ECE2: variants seen among roughly 807,000 people sequenced by gnomAD.
ECE2 encodes the protein endothelin-converting enzyme 2.
ECE2 carries 81 observed loss-of-function variants against 100.6 expected under a neutral mutation model. The ratio of observed to expected loss-of-function variants is 0.81; its 90% CI spans 0.67 to 0.97. The LOEUF is 0.97. ECE2 is among the 50% of genes least tolerant of loss of function. ECE2 has a pLI of 0.00. For missense variants in ECE2, 911 were observed against 988.1 expected (o/e 0.92, Z 1.05); for synonymous variants, 391 against 391.5 (o/e 1.00, Z 0.02).
rs542328039 is a variant in ECE2 at position 184,290,426 on chromosome 3, G to A, written c.1655+68G>A. ...GAGGTGGGGGAAGGTTCCTGGGATG[G>A]GGGAAAAGGGTGGCAAGACTGGTCC... On this transcript the variant is annotated intron_variant, in intron 14 of 18. Transcript: ENST00000404464. 51 of 1,574,874 alleles carry A rather than the reference G, an allele frequency of 3.2e-5. 2 individuals are homozygous for A. The South Asian group carries it at 5.5e-4, about 17-fold the overall frequency.
At position 184,283,893 on chromosome 3, in the gene ECE2, C is replaced by T. The variant is rs780820352; in HGVS notation, c.925C>T (p.Leu309=). Residue 309 remains leucine (L), a synonymous_variant, in exon 8 of 19, where the codon CTG becomes TTG. Transcript: ENST00000404464. The part of the protein sequence containing the change: ...MQQVLELEIQ[L]ANITVPQDQR... ...GCAGGTGCTGGAGTTGGAGATACAG[C>T]TGGCCAACATCACAGTGCCCCAGGA... The T allele has an allele frequency of 3.7e-6, 6 of 1,613,832 alleles. No homozygotes were observed. The African/African-American group carries it at 4.0e-5, about 11-fold the overall frequency.
At position 184,289,607 on chromosome 3, in the gene ECE2, G is replaced by A. The variant is rs1577146447; in HGVS notation, c.1474-34G>A. On this transcript the variant is annotated intron_variant, in intron 12 of 18. Coordinates refer to ENST00000404464, the MANE Select transcript of ECE2 (RefSeq NM_001100121.2). This position sits in a 1 kb window ranked among gnomAD's most constrained non-coding sequence, Gnocchi z 4.1. ...GGATACAGTTTTGCTAGGAACCTGG[G>A]GAAGGAAACAAACCCTTAACCTGGT... 2 of 1,613,370 alleles carry A rather than the reference G, an allele frequency of 1.2e-6. No individual in the cohort carries two copies. Among genetic ancestry groups the A allele is most frequent in the East Asian group, 4.5e-5 (2 of 44,882 alleles).
Position 184,289,395 on chromosome 3 carries a change from A to AT in ECE2, c.1375-40dup, listed in dbSNP as rs1560187559. ...GGGTGGATGGGTGGGGCAGGGATGC[A>AT]TTCAGTGCAGGGGAAGGCTGACTTT... is the stretch of plus-strand genomic sequence containing the variant. On this transcript the variant is annotated intron_variant, in intron 11 of 18. Transcript: ENST00000404464. The surrounding 1 kb of genome is among the most constrained non-coding windows in gnomAD (Gnocchi z 4.1). 6.5e-7 allele frequency: 1 copy of AT among 1,550,368 alleles called. No individual in the cohort carries two copies. Among genetic ancestry groups the AT allele is most frequent in the Admixed American group, 1.9e-5 (1 of 52,430 alleles).
chr3:184,277,900 C>T, intron 4 of ECE2, 25 bp from the exon 5 acceptor site: 1 of 1,608,954 alleles, frequency 6.2e-7, no homozygotes, highest in Non-Finnish European at 8.5e-7. Context: ...TAATTGCCAC[C>T]TGGATCCTGT....
intron 7 of ECE2, among the ~76,000 whole-genome samples, chr3:184,283,518 C>T (rs868254688): frequency 3.1e-5 from 4 of 128,950 alleles, no homozygotes; most frequent in Middle Eastern, 4.7e-3. Context: ...GCCAAGATCG[C>T]GCCACTGCAC....
chr3:184,276,447 C>A, intron 1 of ECE2, 34 bp from the exon 2 acceptor site: 1 of 1,587,346 alleles, frequency 6.3e-7, no homozygotes, highest in Non-Finnish European at 8.6e-7. Flanking sequence ...CCCTCTCTGC[C>A]TGACCTCGGT....
At position 184,277,011 on chromosome 3, in the gene ECE2, G is replaced by C. The variant is rs760136204; in HGVS notation, c.246G>C (p.Gly82=). Residue 82 remains glycine, a synonymous_variant, in exon 3 of 19, where the codon GGG becomes GGC. Coordinates refer to ENST00000404464, the MANE Select transcript of ECE2 (RefSeq NM_001100121.2). ...ALLLGCLVAL[G]VQYHRDPSHS... ...TTCTGGGCTGCCTTGTGGCCCTAGG[G>C]GTCCAGTACCACAGAGGTAGGTGGG... 6.2e-7 allele frequency: 1 copy of C among 1,613,972 alleles called. No individual in the cohort carries two copies. Among genetic ancestry groups the C allele is most frequent in the South Asian group, 1.1e-5 (1 of 91,090 alleles).
In ECE2 at chr3:184,277,360, C is replaced by A; in HGVS notation, c.372C>A (p.Ser124=). 6.2e-7 allele frequency: 1 copy of A among 1,614,220 alleles called. No individual in the cohort carries two copies. The highest frequency in any genetic ancestry group is 8.5e-7 in the Non-Finnish European group (1 of 1,180,032). ...CCTGTGAGGACTTTTACCAGTTCTC[C>A]TGTGGGGGCTGGATTCGGAGGAACC... ...VSPCEDFYQF[S]CGGWIRRNPL... is the part of the protein sequence containing the mutation. The change falls in exon 4 of 19, where the codon TCC becomes TCA. Residue 124 remains serine (S), a synonymous_variant. Transcript: ENST00000404464.
At position 184,292,162 on chromosome 3, in the gene ECE2, C is replaced by T; in HGVS notation, c.2222C>T (p.Ser741Phe). The T allele has an allele frequency of 6.2e-7, 1 of 1,614,178 alleles. No individual in the cohort carries two copies. Among genetic ancestry groups the T allele is most frequent in the Non-Finnish European group, 8.5e-7 (1 of 1,180,036 alleles). The part of the protein sequence containing the change: ...RFRVLGTLSN[S>F]RDFLRHFGCP... ...CGCGTGCTGGGCACTCTCTCCAACT[C>T]CCGTGACTTCCTGCGGCACTTCGGC... The change falls in exon 19 of 19, where the codon TCC becomes TTC. Residue 741 changes from serine to phenylalanine, a missense_variant. Ser to Phe is a radical substitution (Grantham distance 155, BLOSUM62 -2). Transcript: ENST00000404464.
chr3:184,292,496 G>T lies in ECE2; in HGVS notation c.*258G>T, dbSNP rs1251100768. 3 of 532,612 alleles carry T rather than the reference G, an allele frequency of 5.6e-6. No homozygotes were observed. In the African/African-American group the frequency reaches 5.7e-5, roughly 10 times the overall value. 33.0% of individuals were successfully genotyped at this position (532,612 alleles called of 1,614,324 possible). ...GTCACCCTGCCTGGAAGAGGTCTGGGTGGGGAGGCCAGTTCCCATAGGAAG... is the reference window on the plus strand; with the variant it reads ...GTCACCCTGCCTGGAAGAGGTCTGGTTGGGGAGGCCAGTTCCCATAGGAAG... On this transcript the variant is annotated 3_prime_UTR_variant, in exon 19 of 19. Coordinates refer to ENST00000404464, the MANE Select transcript of ECE2 (RefSeq NM_001100121.2).
In ECE2 at chr3:184,291,882, G is replaced by T. The variant is rs1560189656; in HGVS notation, c.2122-180G>T. The stretch of plus-strand genomic sequence containing the variant: ...GCAGCCACAGCAGGCAGCTTCTGGG[G>T]CTCCGCTTTTTCCCCTCGTCATGTC... On this transcript the variant is annotated intron_variant, in intron 18 of 18. Coordinates refer to ENST00000404464, the MANE Select transcript of ECE2 (RefSeq NM_001100121.2). This position sits in a 1 kb window ranked among gnomAD's most constrained non-coding sequence, Gnocchi z 4.1. The T allele has an allele frequency of 1.5e-6, 1 of 656,884 alleles. No individual in the cohort carries two copies. Among genetic ancestry groups the T allele is most frequent in the East Asian group, 2.8e-5 (1 of 35,860 alleles). 40.7% of individuals were successfully genotyped at this position (656,884 alleles called of 1,614,324 possible). A position where few individuals can be genotyped will look rare whatever the true frequency, so the allele number is the denominator to read the frequency against.
rs1165838995 is a variant in ECE2, at chr3:184,289,381, T to C, written c.1375-56T>C. On this transcript the variant is annotated intron_variant, in intron 11 of 18. Coordinates refer to ENST00000404464, the MANE Select transcript of ECE2 (RefSeq NM_001100121.2). The surrounding 1 kb of genome is among the most constrained non-coding windows in gnomAD (Gnocchi z 4.1). ...GGATGGGGCACCAAGGGTGGATGGG[T>C]GGGGCAGGGATGCATTCAGTGCAGG... The C allele has an allele frequency of 7.3e-6, 11 of 1,509,404 alleles. No homozygotes were observed. The highest frequency in any genetic ancestry group is 9.9e-6 in the Non-Finnish European group (11 of 1,109,230). 93.5% of individuals were successfully genotyped at this position (1,509,404 alleles called of 1,614,324 possible).
intron 7 of ECE2, among the ~76,000 whole-genome samples, chr3:184,279,206 AG>A (rs1479588426): frequency 6.8e-6 from 1 of 146,708 alleles, no homozygotes; most frequent in East Asian, 2.1e-4. Context: ...ACTACTCGGG[AG>A]GCTGAGACAG....
In ECE2 at chr3:184,291,596, T is replaced by C; in HGVS notation, c.2121+157T>C. On this transcript the variant is annotated intron_variant, in intron 18 of 18. Transcript: ENST00000404464. This position sits in a 1 kb window ranked among gnomAD's most constrained non-coding sequence, Gnocchi z 4.1. ...GCTGGGAAGGCCCATGCCCAGAGCC[T>C]CCGGCCAGCCAGGGCCCACAAAGGC... 1.4e-6 allele frequency: 1 copy of C among 716,944 alleles called. No homozygotes were observed. The highest frequency in any genetic ancestry group is 2.2e-6 in the Non-Finnish European group (1 of 459,636). The allele number at this position is 716,944 out of a possible 1,614,324, so 44.4% of individuals were successfully genotyped here.
chr3:184,289,047 TG>T lies in ECE2; in HGVS notation c.1375-387del, dbSNP rs567082420. Among the ~76,000 whole-genome samples, 563 of 151,342 alleles carry T rather than the reference TG, an allele frequency of 3.7e-3. 5 individuals carry two copies. The highest frequency in any genetic ancestry group is 0.013 in the African/African-American group (528 of 41,198). On this transcript the variant is annotated intron_variant, in intron 11 of 18. Transcript: ENST00000404464. The surrounding 1 kb of genome is among the most constrained non-coding windows in gnomAD (Gnocchi z 4.1). ...GCGGGAGCCTGTAATCCTAGCTACTTGGGAGGCTGAGGCAGGAGAATCGCTT... is the reference window on the plus strand; with the variant it reads ...GCGGGAGCCTGTAATCCTAGCTACTTGGAGGCTGAGGCAGGAGAATCGCTT...
At chr3:184,290,451 C>G in intron 14 of ECE2, 93 bp downstream of exon 14, 1 of 1,558,996 alleles carries the variant, frequency 6.4e-7, no homozygotes, top group East Asian at 2.2e-5. Flanking sequence ...AAGACTGGTC[C>G]CAGACCGGCG....
chr3:184,288,010 C>A, intron 11 of ECE2, 63 bp downstream of exon 11: 1 of 1,507,488 alleles, frequency 6.6e-7, no homozygotes, highest in Non-Finnish European at 9.1e-7. Context: ...TATGTGCAGA[C>A]ATATAGAAAA....
At chr3:184,281,804 A>G (rs1188267555) in intron 7 of ECE2, among the ~76,000 whole-genome samples, 1 of 152,240 alleles carries the variant, frequency 6.6e-6, no homozygotes, top group Non-Finnish European at 1.5e-5. Flanking sequence ...AGATAGGATG[A>G]AAACTAAGAG....
chr3:184,280,978 CAAA>C (rs879881453), intron 7 of ECE2, among the ~76,000 whole-genome samples: 2 of 110,380 alleles, frequency 1.8e-5, no homozygotes, highest in Admixed American at 9.7e-5. Context: ...GACTCTGTCT[CAAA>C]AAAAAAAAAA....
Sources: allele counts gnomAD v4.1 joint callset (sites outside exome capture counted in the v4.1 genomes callset), GRCh38; gene constraint gnomAD v4.1.1; non-coding constraint Gnocchi (gnomAD v3.1); transcripts MANE v1.5; gene names NCBI Gene and HGNC (gene_info 2026-07-23, HGNC 2026-07-21).